The following WAPL variants were observed in gnomAD, a reference collection of about 807,000 sequenced individuals.
The protein encoded by WAPL is WAPL cohesin release factor.
Under a neutral mutation model 121.0 loss-of-function variants are expected in WAPL, and 5 were observed. That is an observed-to-expected ratio of 0.04 (90% CI 0.02 to 0.09). WAPL has a LOEUF of 0.09. Ranked by LOEUF, WAPL falls within the 10% of genes least tolerant of loss-of-function variation. The pLI, the probability that WAPL is intolerant of heterozygous loss-of-function variation, is 1.00. For missense variants in WAPL, 999 were observed against 1,410.8 expected (o/e 0.71, Z 4.68); for synonymous variants, 480 against 481.5 (o/e 1.00, Z 0.04).
intron 17 of WAPL, 144 bp downstream of exon 17, chr10:86,443,131 A>G (rs895999637): frequency 3.5e-5 from 18 of 521,372 alleles, no homozygotes; most frequent in Non-Finnish European, 5.5e-5. Context: ...ACAACCCTAT[A>G]ATCAGCCAAT....
intron 7 of WAPL, among the ~76,000 whole-genome samples, chr10:86,471,544 G>A (rs912392178): frequency 4.6e-5 from 7 of 152,152 alleles, no homozygotes; most frequent in Admixed American, 2.6e-4. Context: ...AAATGTAAGC[G>A]TCCAGATCAC....
chr10:86,510,799 T>G (rs1009779237), intron 2 of WAPL, among the ~76,000 whole-genome samples: 5 of 151,930 alleles, frequency 3.3e-5, no homozygotes, highest in African/African-American at 1.2e-4. Flanking sequence ...GTCAAAAACT[T>G]TATTCGGTAA....
At chr10:86,504,154 A>G (rs1842298811) in intron 2 of WAPL, among the ~76,000 whole-genome samples, 1 of 152,176 alleles carries the variant, frequency 6.6e-6, no homozygotes, top group African/African-American at 2.4e-5. Flanking sequence ...AGCCTGGGCA[A>G]CAGAGCAAGA....
chr10:86,448,531 T>A (rs976304296), intron 15 of WAPL, among the ~76,000 whole-genome samples: 1 of 152,194 alleles, frequency 6.6e-6, no homozygotes, highest in Non-Finnish European at 1.5e-5. Context: ...CATGAAGAGC[T>A]CAGGAAGACA....
chr10:86,446,382 G>C lies in WAPL; in HGVS notation c.3182C>G (p.Ala1061Gly). The stretch of plus-strand genomic sequence containing the variant: ...ACTCTTATCATGCTGAGTGGTGGGA[G>C]CATCTTTGATCAACTCATCTGTTTT... ...ESKTDELIKD[A>G]PTTQHDKSGE... The change falls in exon 16 of 19, where the codon GCT becomes GGT. Residue 1061 changes from alanine (A) to glycine (G), a missense_variant. Physicochemically the swap from Ala to Gly is moderately conservative, Grantham distance 60. Around this residue, in one of 7 missense-constraint regions of WAPL, gnomAD observed 126 missense variants for 144.0 expected, o/e 0.87. Transcript: ENST00000298767. 6.2e-7 allele frequency: 1 copy of C among 1,614,134 alleles called. No individual in the cohort carries two copies. The highest frequency in any genetic ancestry group is 8.5e-7 in the Non-Finnish European group (1 of 1,180,024).
intron 15 of WAPL, among the ~76,000 whole-genome samples, chr10:86,448,608 T>C (rs374833921): frequency 2.7e-4 from 41 of 152,254 alleles, no homozygotes; most frequent in African/African-American, 8.7e-4. Flanking sequence ...ATAAAACACA[T>C]TGCACATTTT....
intron 4 of WAPL, among the ~76,000 whole-genome samples, chr10:86,484,884 T>A (rs1444190085): frequency 2.6e-5 from 4 of 152,244 alleles, no homozygotes; most frequent in Non-Finnish European, 4.4e-5. Context: ...GTGTGCACAA[T>A]GAAATCGCCT....
chr10:86,476,660 G>A (rs1265152329), intron 4 of WAPL, among the ~76,000 whole-genome samples: 1 of 149,626 alleles, frequency 6.7e-6, no homozygotes, highest in East Asian at 2.0e-4. Flanking sequence ...CTGCACTCCA[G>A]CCTGGGCGAC....
chr10:86,507,722 T>G (rs1326511404), intron 2 of WAPL, among the ~76,000 whole-genome samples: 1 of 149,364 alleles, frequency 6.7e-6, no homozygotes. Flanking sequence ...GCCCACTGTT[T>G]TTTTTTTTTT....
At chr10:86,441,550 G>A in intron 17 of WAPL, among the ~76,000 whole-genome samples, 1 of 146,754 alleles carries the variant, frequency 6.8e-6, no homozygotes, top group Non-Finnish European at 1.5e-5. Context: ...AAAAAGATAT[G>A]TATTTCCAGC....
rs2289738 is a variant in WAPL at position 86,521,587 on chromosome 10, C to A, written c.-245G>T. 1 of 441,326 alleles carries A rather than the reference C, an allele frequency of 2.3e-6. No individual in the cohort carries two copies. The highest frequency in any genetic ancestry group is 1.6e-5 in the South Asian group (1 of 60,700). 27.3% of individuals were successfully genotyped at this position (441,326 alleles called of 1,614,324 possible). ...CCGCCTCGAGCGCCGCCGGCCGGGC[C>A]CAGGCCTAGCTCTCGCTGGCCGCCA... On this transcript the variant is annotated 5_prime_UTR_variant, in exon 1 of 19. Transcript: ENST00000298767.
intron 4 of WAPL, among the ~76,000 whole-genome samples, chr10:86,476,764 TTAAGTC>T (rs1428063318): frequency 1.3e-5 from 2 of 152,118 alleles, no homozygotes; most frequent in Non-Finnish European, 2.9e-5. Context: ...GCTGCTAGGT[TTAAGTC>T]TAACACATTC....
rs1589509257 is a variant in WAPL, at chr10:86,467,208, C to A, written c.2370+71G>T. On this transcript the variant is annotated intron_variant, in intron 9 of 18. Transcript: ENST00000298767. ...TTAAAATAATTTGCCCACAGTCACACAGCTACTGCAACTAACCAAAGACTT... is the reference window on the plus strand; with the variant it reads ...TTAAAATAATTTGCCCACAGTCACAAAGCTACTGCAACTAACCAAAGACTT... The A allele has an allele frequency of 1.8e-5, 25 of 1,400,170 alleles. No individual in the cohort carries two copies. The South Asian group carries it at 2.6e-4, about 15-fold the overall frequency. 86.7% of individuals were successfully genotyped at this position (1,400,170 alleles called of 1,614,324 possible).
chr10:86,452,225 G>A, intron 14 of WAPL, 94 bp from the exon 15 acceptor site: 5 of 1,169,382 alleles, frequency 4.3e-6, no homozygotes, highest in South Asian at 3.7e-5. Context: ...CTAAAAAGCT[G>A]AATATCAGTG....
chr10:86,466,386 T>C (rs1003186524), intron 9 of WAPL, among the ~76,000 whole-genome samples: 15 of 151,698 alleles, frequency 9.9e-5, no homozygotes, highest in Non-Finnish European at 1.5e-4. Context: ...CTGGGCAACA[T>C]GGCGAAAACC....
intron 4 of WAPL, among the ~76,000 whole-genome samples, chr10:86,490,220 A>G (rs1011813790): frequency 2.6e-5 from 4 of 152,102 alleles, no homozygotes; most frequent in Non-Finnish European, 2.9e-5. Flanking sequence ...TCTCAAAAAA[A>G]AAAACACATA....
At chr10:86,461,705 G>T (rs571321840) in intron 9 of WAPL, among the ~76,000 whole-genome samples, 26 of 152,164 alleles carry the variant, frequency 1.7e-4, no homozygotes, top group Non-Finnish European at 3.1e-4. Flanking sequence ...AAAAGTACAA[G>T]TTATCACTTA....
chr10:86,488,931 A>G (rs2132210695), intron 4 of WAPL, among the ~76,000 whole-genome samples: 1 of 152,362 alleles, frequency 6.6e-6, no homozygotes, highest in Non-Finnish European at 1.5e-5. Flanking sequence ...AGGAAAGGTG[A>G]CGAACCTGAA....
intron 14 of WAPL, 108 bp downstream of exon 14, chr10:86,453,112 A>T (rs1412389930): frequency 1.8e-6 from 1 of 570,654 alleles, no homozygotes; most frequent in African/African-American, 1.9e-5. Context: ...TCATGAAAAA[A>T]AACCCACAAT....
Sources: gnomAD v4.1 joint callset for allele counts (sites outside exome capture counted in the v4.1 genomes callset) on GRCh38, gnomAD v4.1.1 for gene constraint, gnomAD v4.1.1 regional missense constraint, MANE v1.5 for transcripts, NCBI Gene and HGNC (gene_info 2026-07-23, HGNC 2026-07-21) for gene names.